RBFOX1: variants seen among roughly 807,000 people sequenced by gnomAD.
RBFOX1 encodes RNA binding fox-1 homolog 1, also known as RNA binding protein fox-1 homolog 1.
RBFOX1 carries 8 observed loss-of-function variants against 57.7 expected under a neutral mutation model. The ratio of observed to expected loss-of-function variants is 0.14; its 90% CI spans 0.08 to 0.25. The LOEUF is 0.25. Ranked by LOEUF, RBFOX1 falls within the 10% of genes least tolerant of loss-of-function variation. The probability of loss-of-function intolerance (pLI) is 1.00; values close to 1 mark genes in which losing one functional copy is unlikely to be tolerated. For missense variants in RBFOX1, 611 were observed against 548.5 expected (o/e 1.11, Z -1.14); for synonymous variants, 326 against 222.4 (o/e 1.47, Z -4.15).
At chr16:6,456,183 A>C (rs995158015) in intron 2 of RBFOX1, among the ~76,000 whole-genome samples, 3 of 152,228 alleles carry the variant, frequency 2.0e-5, no homozygotes, top group Non-Finnish European at 2.9e-5. Flanking sequence ...AATACTATTA[A>C]GACCAAGTCC....
At chr16:5,462,332 C>G (rs2068817700) in intron 1 of RBFOX1, among the ~76,000 whole-genome samples, 1 of 151,988 alleles carries the variant, frequency 6.6e-6, no homozygotes, top group Non-Finnish European at 1.5e-5. Context: ...CCACGCCCGG[C>G]TAATTTTTTG....
At chr16:7,389,684 G>C (rs147467258) in intron 4 of RBFOX1, among the ~76,000 whole-genome samples, 1 of 152,262 alleles carries the variant, frequency 6.6e-6, no homozygotes, top group African/African-American at 2.4e-5. Context: ...AATCTGGCTG[G>C]AGTTTACAGT....
At chr16:7,688,260 T>TGAGAGA (rs141940868) in intron 14 of RBFOX1, among the ~76,000 whole-genome samples, 10 of 125,380 alleles carry the variant, frequency 8.0e-5, no homozygotes, top group East Asian at 2.3e-4. Context: ...TGTGTGTGTG[T>TGAGAGA]GAGAGAGAGA....
intron 4 of RBFOX1, among the ~76,000 whole-genome samples, chr16:7,068,146 C>T (rs546530526): frequency 6.0e-4 from 91 of 151,912 alleles, no homozygotes; most frequent in African/African-American, 2.2e-3. Flanking sequence ...GATAATCTCC[C>T]TATTTTAAGA....
At chr16:5,876,511 T>G (rs2057615338) in intron 4 of RBFOX1, among the ~76,000 whole-genome samples, 1 of 152,178 alleles carries the variant, frequency 6.6e-6, no homozygotes, top group Non-Finnish European at 1.5e-5. Flanking sequence ...CTCAGTCTTT[T>G]AAACCTAGAG....
At chr16:6,786,454 G>A (rs56818914) in intron 3 of RBFOX1, among the ~76,000 whole-genome samples, 17,496 of 151,960 alleles carry the variant, frequency 0.12, 1,192 homozygotes, top group African/African-American at 0.18. Flanking sequence ...TTTTTACAGG[G>A]AAAAAGCAGA....
intron 3 of RBFOX1, among the ~76,000 whole-genome samples, chr16:6,935,130 A>G (rs1363213791): frequency 6.6e-6 from 1 of 152,112 alleles, no homozygotes; most frequent in Non-Finnish European, 1.5e-5. Context: ...TATTTAACCT[A>G]TTCGAGTGAC....
intron 4 of RBFOX1, among the ~76,000 whole-genome samples, chr16:7,474,596 A>C (rs182503143): frequency 1.3e-5 from 2 of 152,332 alleles, no homozygotes; most frequent in Admixed American, 1.3e-4. Context: ...CAGGACCGCA[A>C]TTACTTTTGC....
chr16:7,273,146 T>C (rs1303626459), intron 4 of RBFOX1, among the ~76,000 whole-genome samples: 1 of 124,568 alleles, frequency 8.0e-6, no homozygotes, highest in Non-Finnish European at 1.6e-5. Flanking sequence ...CCTGCTTCCT[T>C]CTTTCTCCTT....
At chr16:7,588,537 T>C (rs1309192831) in intron 7 of RBFOX1, among the ~76,000 whole-genome samples, 1 of 152,182 alleles carries the variant, frequency 6.6e-6, no homozygotes, top group East Asian at 1.9e-4. Flanking sequence ...TGGCTGCCAG[T>C]CCCCAGGCTA....
intron 3 of RBFOX1, among the ~76,000 whole-genome samples, chr16:6,849,082 G>A (rs2093925413): frequency 6.6e-6 from 1 of 152,178 alleles, no homozygotes; most frequent in Non-Finnish European, 1.5e-5. Context: ...CTGTCCTCAA[G>A]AGTGCATGAG....
rs113658153 is a variant in RBFOX1 at position 6,279,147 on chromosome 16, T to C, written c.-126-37848T>C. On this transcript the variant is annotated intron_variant, in intron 1 of 15. Coordinates refer to ENST00000550418, the MANE Select transcript of RBFOX1 (RefSeq NM_018723.4). ...TAACTCTGTTAGGTTCTGGGGGTGT[T>C]TATGGGTATTATAAAACATTTACAT... Among the ~76,000 whole-genome samples, 1,342 of 152,268 alleles carry C rather than the reference T, an allele frequency of 8.8e-3. 21 individuals are homozygous for C. Among genetic ancestry groups the C allele is most frequent in the African/African-American group, 0.029 (1,223 of 41,546 alleles).
chr16:5,383,088 A>C lies in RBFOX1; in HGVS notation c.220-84128A>C, dbSNP rs111985740. Among the ~76,000 whole-genome samples the C allele has an allele frequency of 3.2e-3, 486 of 152,320 alleles. 1 individual carries two copies. Among genetic ancestry groups the C allele is most frequent in the Non-Finnish European group, 5.7e-3 (385 of 68,034 alleles). ...ATGCCACAGTTTCCAGATGCGGCAC[A>C]GTCCGTTATTTGGATGTTCCATCTG... On this transcript the variant is annotated intron_variant, in intron 1 of 2. Coordinates refer to the RBFOX1 transcript ENST00000585867.
At chr16:5,760,123 A>G (rs767786948) in intron 3 of RBFOX1, among the ~76,000 whole-genome samples, 1 of 152,128 alleles carries the variant, frequency 6.6e-6, no homozygotes, top group Non-Finnish European at 1.5e-5. Flanking sequence ...TTACATATCA[A>G]ATAAAGCACC....
intron 14 of RBFOX1, among the ~76,000 whole-genome samples, chr16:7,684,303 T>A (rs2075578692): frequency 6.6e-6 from 1 of 152,098 alleles, no homozygotes; most frequent in Non-Finnish European, 1.5e-5. Flanking sequence ...CATATTTAAT[T>A]AACATATGAA....
intron 4 of RBFOX1, among the ~76,000 whole-genome samples, chr16:7,370,721 G>C (rs371774748): frequency 2.6e-5 from 4 of 152,188 alleles, no homozygotes; most frequent in Non-Finnish European, 5.9e-5. Flanking sequence ...CTAGTGGCCA[G>C]TTTTCCTGTT....
chr16:6,116,490 T>C (rs899680093), intron 1 of RBFOX1, among the ~76,000 whole-genome samples: 4 of 152,334 alleles, frequency 2.6e-5, no homozygotes, highest in East Asian at 1.9e-4. Context: ...CTACCATGCA[T>C]TGCAGTGGAG....
intron 1 of RBFOX1, among the ~76,000 whole-genome samples, chr16:5,349,928 C>A (rs1375663368): frequency 2.0e-5 from 3 of 152,184 alleles, no homozygotes; most frequent in African/African-American, 7.2e-5. Context: ...CCCTGTGCTC[C>A]TTCCCAGCAC....
intron 4 of RBFOX1, among the ~76,000 whole-genome samples, chr16:7,272,507 T>C (rs2095343671): frequency 6.6e-6 from 1 of 152,192 alleles, no homozygotes; most frequent in African/African-American, 2.4e-5. Context: ...TTTAGACATA[T>C]ATGTTGCTTC....
Sources: allele counts gnomAD v4.1 joint callset (sites outside exome capture counted in the v4.1 genomes callset), GRCh38; gene constraint gnomAD v4.1.1; transcripts MANE v1.5; gene names NCBI Gene and HGNC (gene_info 2026-07-23, HGNC 2026-07-21).